DPP6: variants seen among roughly 807,000 people sequenced by gnomAD.
DPP6 encodes the protein A-type potassium channel modulatory protein DPP6.
A neutral mutation model predicts 122.6 loss-of-function variants in DPP6; 69 were observed. The ratio of observed to expected loss-of-function variants is 0.56; its 90% confidence interval spans 0.46 to 0.69. The LOEUF is 0.69. Ranked by LOEUF, DPP6 falls within the 30% of genes least tolerant of loss-of-function variation. The pLI, the probability that DPP6 is intolerant of heterozygous loss-of-function variation, is 0.00. For synonymous variants in DPP6, 418 were observed against 433.1 expected, an observed-to-expected ratio of 0.97 and a Z score of 0.43; for missense variants, 928 against 1,116.9, an observed-to-expected ratio of 0.83 and a Z score of 2.41.
At chr7:154,794,261 C>A in intron 11 of DPP6, 59 bp downstream of exon 11, 1 of 1,504,174 alleles carries the variant, frequency 6.6e-7, no homozygotes, top group East Asian at 2.5e-5. Context: ...TCAGACGCGC[C>A]CGAGGTGGCG....
At chr7:154,345,442 A>G (rs200241786) in intron 1 of DPP6, among the ~76,000 whole-genome samples, 7 of 152,310 alleles carry the variant, frequency 4.6e-5, no homozygotes, top group Middle Eastern at 3.4e-3. Flanking sequence ...GTCAATAGGA[A>G]GTGCATGTCA....
chr7:153,777,215 A>G, the DPP6 span, among the ~76,000 whole-genome samples: 1 of 152,236 alleles, frequency 6.6e-6, no homozygotes, highest in Non-Finnish European at 1.5e-5. Flanking sequence ...TAGAATAGCT[A>G]AAGAACAACA....
intron 1 of DPP6, among the ~76,000 whole-genome samples, chr7:154,023,033 C>T (rs1798779496): frequency 6.6e-6 from 1 of 152,112 alleles, no homozygotes; most frequent in Non-Finnish European, 1.5e-5. Context: ...GTACCCAGTA[C>T]TTGTCCTGAG....
Position 154,637,515 on chromosome 7 carries a change from C to G in DPP6, c.628-306C>G, listed in dbSNP as rs73727335. On this transcript the variant is annotated intron_variant, in intron 5 of 25. Coordinates refer to ENST00000377770, the MANE Select transcript of DPP6 (RefSeq NM_130797.4). ...TGATGGTCTCCAATGACCAAGGTGTCCTCATTAGTTCTGTGCTATATTTAG... is the reference window on the plus strand; with the variant it reads ...TGATGGTCTCCAATGACCAAGGTGTGCTCATTAGTTCTGTGCTATATTTAG... 0.12 allele frequency among the ~76,000 whole-genome samples: 18,786 copies of G among 152,182 alleles called. 1,202 individuals carry two copies. Among genetic ancestry groups the G allele is most frequent in the African/African-American group, 0.16 (6,509 of 41,500 alleles).
chr7:154,001,066 T>G (rs1585157357), intron 1 of DPP6, among the ~76,000 whole-genome samples: 2 of 152,160 alleles, frequency 1.3e-5, no homozygotes, highest in Non-Finnish European at 2.9e-5. Context: ...ACCAGCTCCT[T>G]CCATCCCTGT....
chr7:154,804,797 ACTC>A, intron 14 of DPP6, 117 bp from the exon 15 acceptor site: 1 of 1,392,108 alleles, frequency 7.2e-7, no homozygotes, highest in South Asian at 1.2e-5. Flanking sequence ...CAGGGGAGCT[ACTC>A]CCTGCAGGCC....
chr7:154,779,136 T>C (rs1356316167), intron 10 of DPP6, among the ~76,000 whole-genome samples: 22 of 7,962 alleles, frequency 2.8e-3, no homozygotes, highest in Non-Finnish European at 4.1e-3. Context: ...ATCACCGCTA[T>C]CACCACCACC....
intron 17 of DPP6, among the ~76,000 whole-genome samples, chr7:154,859,532 T>C (rs547339522): frequency 1.3e-5 from 2 of 152,254 alleles, no homozygotes; most frequent in Non-Finnish European, 2.9e-5. Flanking sequence ...TCAGAATTCT[T>C]TGTCCTTTCC....
chr7:153,753,760 C>T, the DPP6 span, among the ~76,000 whole-genome samples: 1 of 152,092 alleles, frequency 6.6e-6, no homozygotes, highest in Non-Finnish European at 1.5e-5. Flanking sequence ...TAACGAAATC[C>T]CTTCAGGATC....
At chr7:154,350,819 TGAG>T (rs1173305667) in intron 1 of DPP6, among the ~76,000 whole-genome samples, 1 of 152,214 alleles carries the variant, frequency 6.6e-6, no homozygotes, top group Non-Finnish European at 1.5e-5. Context: ...TCCGCCTCTC[TGAG>T]GAGCTTTACA....
intron 1 of DPP6, among the ~76,000 whole-genome samples, chr7:154,082,284 T>C (rs986070141): frequency 2.0e-5 from 3 of 152,152 alleles, no homozygotes; most frequent in Non-Finnish European, 4.4e-5. Flanking sequence ...TCTTCTACAT[T>C]CATCTTCAGA....
chr7:154,484,426 C>T (rs552093657), intron 3 of DPP6, among the ~76,000 whole-genome samples: 2 of 152,328 alleles, frequency 1.3e-5, no homozygotes, highest in African/African-American at 4.8e-5. Context: ...AGCCCCATGC[C>T]CTGTGCTCTG....
chr7:154,153,768 A>G (rs143294765), intron 1 of DPP6, among the ~76,000 whole-genome samples: 2,144 of 152,310 alleles, frequency 0.014, 7 homozygotes, highest in African/African-American at 0.048. Flanking sequence ...AATAGTCAAC[A>G]CATAGATGAA....
At chr7:154,452,228 A>C (rs534499506) in intron 2 of DPP6, among the ~76,000 whole-genome samples, 1 of 152,376 alleles carries the variant, frequency 6.6e-6, no homozygotes, top group African/African-American at 2.4e-5. Context: ...AAGACAATGC[A>C]TGTGCAAGGA....
intron 1 of DPP6, among the ~76,000 whole-genome samples, chr7:153,975,245 A>G (rs1796235393): frequency 7.6e-5 from 1 of 13,170 alleles, no homozygotes; most frequent in Non-Finnish European, 6.1e-4. Context: ...TTAGTTTAAA[A>G]AAAAAAAATT....
At chr7:154,615,697 G>A (rs1481604334) in intron 5 of DPP6, among the ~76,000 whole-genome samples, 2 of 150,702 alleles carry the variant, frequency 1.3e-5, no homozygotes, top group Non-Finnish European at 3.0e-5. Context: ...TCACAATGTT[G>A]TGTAACCATC....
At chr7:153,759,918 T>C in the DPP6 span, among the ~76,000 whole-genome samples, 1 of 143,908 alleles carries the variant, frequency 6.9e-6, no homozygotes, top group East Asian at 2.0e-4. Flanking sequence ...TGTTTCTGTC[T>C]CTCTCTCTCT....
At position 154,194,907 on chromosome 7, in the gene DPP6, G is replaced by A. The variant is rs181087225; in HGVS notation, c.243+141844G>A. ...ATACAATTCCTTTGACAAATATATCGTTGGCAAATATTTTCTCTCACTCTA... is the reference window on the plus strand; with the variant it reads ...ATACAATTCCTTTGACAAATATATCATTGGCAAATATTTTCTCTCACTCTA... On this transcript the variant is annotated intron_variant, in intron 1 of 25. Transcript: ENST00000377770. Among the ~76,000 whole-genome samples, 206 of 152,204 alleles carry A rather than the reference G, an allele frequency of 1.4e-3. 2 individuals are homozygous for A. The highest frequency in any genetic ancestry group is 4.1e-3 in the African/African-American group (170 of 41,530).
chr7:154,487,886 G>T (rs958570895), intron 3 of DPP6, among the ~76,000 whole-genome samples: 3 of 152,136 alleles, frequency 2.0e-5, no homozygotes, highest in African/African-American at 7.2e-5. Flanking sequence ...CGTCCCCTGT[G>T]ACTCATCAAT....
Sources: allele counts gnomAD v4.1 joint callset (sites outside exome capture counted in the v4.1 genomes callset), GRCh38; gene constraint gnomAD v4.1.1; transcripts MANE v1.5; gene names NCBI Gene and HGNC (gene_info 2026-07-23, HGNC 2026-07-21).